Variants in ZNF804B observed in about 807,000 individuals in gnomAD.
ZNF804B encodes zinc finger protein 804B, also known as zinc finger 804B.
Under a neutral mutation model 101.4 loss-of-function variants are expected in ZNF804B, and 80 were observed. The observed-to-expected ratio is 0.79, with a 90% confidence interval of 0.66 to 0.95. The LOEUF is 0.95. Among genes scored for constraint, ZNF804B ranks in the 40% least tolerant of loss-of-function variants. ZNF804B has a pLI of 0.00. For missense variants in ZNF804B, 1,673 were observed against 1,561.9 expected (o/e 1.07, Z -1.20); for synonymous variants, 622 against 558.8 (o/e 1.11, Z -1.59).
At position 88,906,041 on chromosome 7, in the gene ZNF804B, T is replaced by C. The variant is rs1249968555; in HGVS notation, c.108+145957T>C. ...TTTCCAGGAATTTATCCATTTTCTC[T>C]AGATTTTCTGATTTGTTGCATATAG... On this transcript the variant is annotated intron_variant, in intron 1 of 3. Transcript: ENST00000333190. Among the ~76,000 whole-genome samples, 6 of 152,022 alleles carry C rather than the reference T, an allele frequency of 3.9e-5. 1 individual carries two copies. Among genetic ancestry groups the C allele is most frequent in the Non-Finnish European group, 8.8e-5 (6 of 68,004 alleles).
chr7:88,783,643 G>A (rs934549648), intron 1 of ZNF804B, among the ~76,000 whole-genome samples: 6 of 152,092 alleles, frequency 3.9e-5, no homozygotes, highest in African/African-American at 1.2e-4. Flanking sequence ...AGAGAAACAG[G>A]GAAAGAGAAA....
chr7:89,003,079 G>A (rs546167004), intron 1 of ZNF804B, among the ~76,000 whole-genome samples: 60 of 151,276 alleles, frequency 4.0e-4, no homozygotes, highest in African/African-American at 1.4e-3. Context: ...AAAGGGTTAC[G>A]GTAAGCTAAT....
At chr7:88,770,096 C>A (rs190022826) in intron 1 of ZNF804B, among the ~76,000 whole-genome samples, 2 of 152,198 alleles carry the variant, frequency 1.3e-5, no homozygotes, top group African/African-American at 2.4e-5. Flanking sequence ...ATTGGAAAGA[C>A]CCTTAGCAAT....
intron 1 of ZNF804B, among the ~76,000 whole-genome samples, chr7:88,906,144 A>G (rs2115964599): frequency 6.6e-6 from 1 of 151,706 alleles, no homozygotes; most frequent in East Asian, 1.9e-4. Context: ...GATTGTACTT[A>G]TTTGGATCTT....
At chr7:88,912,777 C>G (rs1792568528) in intron 1 of ZNF804B, among the ~76,000 whole-genome samples, 1 of 152,058 alleles carries the variant, frequency 6.6e-6, no homozygotes, top group African/African-American at 2.4e-5. Context: ...TTTTCCATAA[C>G]TTTACAGTGT....
At chr7:89,227,664 C>A (rs1477927910) in intron 2 of ZNF804B, among the ~76,000 whole-genome samples, 5 of 151,854 alleles carry the variant, frequency 3.3e-5, no homozygotes, top group African/African-American at 1.2e-4. Flanking sequence ...TGAACAAGGG[C>A]CTAAAGGATA....
chr7:88,765,354 C>T (rs1362364432), intron 1 of ZNF804B, among the ~76,000 whole-genome samples: 1 of 152,070 alleles, frequency 6.6e-6, no homozygotes, highest in Non-Finnish European at 1.5e-5. Context: ...TAGAACTTAA[C>T]TATTTGTGAC....
intron 1 of ZNF804B, among the ~76,000 whole-genome samples, chr7:88,839,787 C>A (rs538252870): frequency 6.6e-6 from 1 of 151,752 alleles, no homozygotes; most frequent in African/African-American, 2.4e-5. Flanking sequence ...CACATCATTT[C>A]TTCATCTAAA....
intron 1 of ZNF804B, among the ~76,000 whole-genome samples, chr7:88,862,154 G>C (rs1008399558): frequency 6.6e-6 from 1 of 152,108 alleles, no homozygotes; most frequent in African/African-American, 2.4e-5. Flanking sequence ...TAGACTAAAG[G>C]ACATGTAGTA....
chr7:88,959,674 C>G (rs1793362503), intron 1 of ZNF804B, among the ~76,000 whole-genome samples: 1 of 151,386 alleles, frequency 6.6e-6, no homozygotes, highest in African/African-American at 2.4e-5. Flanking sequence ...TGTTTGCATA[C>G]TGATAGCTGC....
chr7:89,171,218 C>T (rs1422787512), intron 1 of ZNF804B, among the ~76,000 whole-genome samples: 1 of 152,034 alleles, frequency 6.6e-6, no homozygotes, highest in Non-Finnish European at 1.5e-5. Flanking sequence ...TTCATTAGGG[C>T]ATTTATGTCT....
chr7:88,857,822 C>CTTTTTT (rs55841922), intron 1 of ZNF804B, among the ~76,000 whole-genome samples: 1,154 of 81,566 alleles, frequency 0.014, 95 homozygotes, highest in African/African-American at 0.022. Context: ...CCTTTCTTTT[C>CTTTTTT]TTTTTTTTTT....
intron 1 of ZNF804B, among the ~76,000 whole-genome samples, chr7:89,063,538 G>A (rs34029367): frequency 0.15 from 22,749 of 151,652 alleles, 2,201 homozygotes; most frequent in Admixed American, 0.21. Flanking sequence ...AATTATTAGA[G>A]AGAGAAACTG....
intron 2 of ZNF804B, among the ~76,000 whole-genome samples, chr7:89,265,101 G>A (rs1398032604): frequency 1.3e-5 from 2 of 152,158 alleles, no homozygotes. Flanking sequence ...TGTAGGGGCT[G>A]CCAAGAGTAC....
chr7:88,954,807 A>G (rs1263373181), intron 1 of ZNF804B, among the ~76,000 whole-genome samples: 1 of 151,756 alleles, frequency 6.6e-6, no homozygotes, highest in Non-Finnish European at 1.5e-5. Flanking sequence ...AATTCTTAAC[A>G]GTGGGTAATT....
At chr7:88,925,793 T>C (rs1283097254) in intron 1 of ZNF804B, among the ~76,000 whole-genome samples, 1 of 152,046 alleles carries the variant, frequency 6.6e-6, no homozygotes, top group Non-Finnish European at 1.5e-5. Context: ...CAGTCCAGTG[T>C]CAATGGCAAA....
rs188092159 is a variant in ZNF804B at position 89,225,533 on chromosome 7, T to A, written c.249+7238T>A. Among the ~76,000 whole-genome samples the A allele has an allele frequency of 3.8e-3, 576 of 152,198 alleles. 3 individuals carry two copies. Among genetic ancestry groups the A allele is most frequent in the African/African-American group, 0.013 (553 of 41,556 alleles). ...ATAGTAACATTCAGTAGATTTTTTT[T>A]AAATGAAAAAGTAGCTGAATAACTT... is the stretch of plus-strand genomic sequence containing the variant. On this transcript the variant is annotated intron_variant, in intron 2 of 3. Coordinates refer to ENST00000333190, the MANE Select transcript of ZNF804B (RefSeq NM_181646.5).
intron 2 of ZNF804B, among the ~76,000 whole-genome samples, chr7:89,295,849 G>T (rs537074180): frequency 1.2e-4 from 19 of 152,208 alleles, no homozygotes; most frequent in African/African-American, 4.1e-4. Flanking sequence ...AATGTATTTT[G>T]CAGCAATGTG....
chr7:89,291,438 ATTAT>A (rs1045425051), intron 2 of ZNF804B, among the ~76,000 whole-genome samples: 58 of 152,358 alleles, frequency 3.8e-4, no homozygotes, highest in African/African-American at 1.4e-3. Context: ...GATTGAAATA[ATTAT>A]AAAGAATTAA....
Sources: allele counts gnomAD v4.1 joint callset (sites outside exome capture counted in the v4.1 genomes callset), GRCh38; gene constraint gnomAD v4.1.1; transcripts MANE v1.5; gene names NCBI Gene and HGNC (gene_info 2026-07-23, HGNC 2026-07-21).